The following INPP5B variants were observed in gnomAD, a reference collection of about 807,000 sequenced individuals.
INPP5B encodes the protein inositol polyphosphate-5-phosphatase B.
INPP5B carries 90 observed loss-of-function variants against 118.5 expected under a neutral mutation model. The observed-to-expected ratio is 0.76, with a 90% CI of 0.64 to 0.90. The LOEUF (loss-of-function observed/expected upper bound fraction) is 0.90. INPP5B is among the 40% of genes least tolerant of loss of function. INPP5B has a pLI of 0.00. For missense variants in INPP5B, 984 were observed against 1,125.6 expected, an observed-to-expected ratio of 0.87 and a Z score of 1.80; for synonymous variants, 385 against 418.9, an observed-to-expected ratio of 0.92 and a Z score of 0.99.
chr1:37,883,710 C>G, intron 13 of INPP5B: 4 of 985,392 alleles, frequency 4.1e-6, no homozygotes, highest in African/African-American at 1.7e-5. Flanking sequence ...AGCTCGGCTG[C>G]AAGACACTCC....
intron 22 of INPP5B, among the ~76,000 whole-genome samples, chr1:37,865,182 C>CAA (rs369656473): frequency 7.2e-6 from 1 of 139,060 alleles, no homozygotes; most frequent in African/African-American, 2.6e-5. Flanking sequence ...GACTCCATCT[C>CAA]AAAAAAAAAA....
chr1:37,933,541 C>G (rs925823089), intron 6 of INPP5B, among the ~76,000 whole-genome samples: 1 of 151,268 alleles, frequency 6.6e-6, no homozygotes, highest in Non-Finnish European at 1.5e-5. Flanking sequence ...GAGTGAGACT[C>G]TGTCTCAAGA....
intron 6 of INPP5B, among the ~76,000 whole-genome samples, chr1:37,935,789 GGGCGCGGT>G (rs1291799217): frequency 5.4e-4 from 82 of 152,032 alleles, no homozygotes; most frequent in African/African-American, 1.9e-3. Context: ...AATGGCGGCC[GGGCGCGGT>G]GGCTCACGCC....
chr1:37,868,488 A>T lies in INPP5B; in HGVS notation c.2301+13T>A. On this transcript the variant is annotated intron_variant, in intron 20 of 23. Coordinates refer to ENST00000373024, the MANE Select transcript of INPP5B (RefSeq NM_005540.3). ...TGGCCTCAATCAGGTCTGAATGCTTAAACACAACCTACCTGCTGGACAGCA... is the reference window on the plus strand; with the variant it reads ...TGGCCTCAATCAGGTCTGAATGCTTTAACACAACCTACCTGCTGGACAGCA... The T allele has an allele frequency of 6.3e-7, 1 of 1,593,918 alleles. No homozygotes were observed. Among genetic ancestry groups the T allele is most frequent in the Non-Finnish European group, 8.6e-7 (1 of 1,161,756 alleles).
chr1:37,873,973 G>T lies in INPP5B; in HGVS notation c.1951+20C>A. The T allele has an allele frequency of 6.6e-7, 1 of 1,519,424 alleles. No individual in the cohort carries two copies. The highest frequency in any genetic ancestry group is 1.4e-5 in the African/African-American group (1 of 72,636). 94.1% of individuals were successfully genotyped at this position (1,519,424 alleles called of 1,614,324 possible). A position where few individuals can be genotyped will look rare whatever the true frequency, so the allele number is the denominator to read the frequency against. ...CATTCCCCAAACCAGATACCAGGAA[G>T]CTAGGAACAGAGGCCTTACCTGGCA... On this transcript the variant is annotated intron_variant, in intron 18 of 23. Transcript: ENST00000373024.
intron 7 of INPP5B, among the ~76,000 whole-genome samples, chr1:37,926,297 TTC>T (rs1645225735): frequency 1.0e-5 from 1 of 95,622 alleles, no homozygotes; most frequent in South Asian, 3.3e-4. Flanking sequence ...GCTGGTTCAT[TTC>T]TTTTTTTTTT....
chr1:37,920,277 A>G (rs1407872621), intron 7 of INPP5B, among the ~76,000 whole-genome samples: 1 of 152,238 alleles, frequency 6.6e-6, no homozygotes, highest in African/African-American at 2.4e-5. Flanking sequence ...GCAAAAGCAC[A>G]AAGATAGGGC....
intron 3 of INPP5B, among the ~76,000 whole-genome samples, chr1:37,945,250 G>A (rs1213279181): frequency 6.6e-6 from 1 of 152,184 alleles, no homozygotes; most frequent in African/African-American, 2.4e-5. Flanking sequence ...GGCCAACGTG[G>A]TGAAACCCTG....
intron 16 of INPP5B, among the ~76,000 whole-genome samples, chr1:37,877,652 T>C (rs1024418473): frequency 4.3e-4 from 65 of 152,348 alleles, no homozygotes; most frequent in African/African-American, 1.5e-3. Context: ...CAAACATACA[T>C]GTGAAGGGTG....
intron 7 of INPP5B, among the ~76,000 whole-genome samples, chr1:37,921,498 C>T (rs1421754938): frequency 6.6e-6 from 1 of 152,134 alleles, no homozygotes; most frequent in East Asian, 1.9e-4. Context: ...ATTTCTTTTA[C>T]ATTTCTCAAA....
At position 37,946,258 on chromosome 1, in the gene INPP5B, G is replaced by A. The variant is rs755842605; in HGVS notation, c.51C>T (p.Cys17=). The change falls in exon 2 of 24, where the codon TGC becomes TGT. Residue 17 remains cysteine, a synonymous_variant. Coordinates refer to ENST00000373024, the MANE Select transcript of INPP5B (RefSeq NM_005540.3). ...IQETLAEGEY[C]VIAVQGVLCE... The stretch of plus-strand genomic sequence containing the variant: ...GTTAGCACAGGAAGGATATGATGAC[G>A]CAGTATTCCCCCTCAGCCAGCGTCT... The A allele has an allele frequency of 5.6e-6, 9 of 1,610,562 alleles. No individual in the cohort carries two copies. The highest frequency in any genetic ancestry group is 2.2e-5 in the East Asian group (1 of 44,840).
At chr1:37,906,929 T>C (rs147775710) in intron 7 of INPP5B, among the ~76,000 whole-genome samples, 1 of 152,194 alleles carries the variant, frequency 6.6e-6, no homozygotes, top group East Asian at 1.9e-4. Context: ...TCAGTTGTGT[T>C]TACGTTTTTT....
At chr1:37,868,212 C>T (rs1422356450) in intron 20 of INPP5B, among the ~76,000 whole-genome samples, 1 of 151,090 alleles carries the variant, frequency 6.6e-6, no homozygotes, top group Non-Finnish European at 1.5e-5. Context: ...ACCTGGGAGA[C>T]TGAGGCGGGA....
intron 5 of INPP5B, among the ~76,000 whole-genome samples, chr1:37,942,526 T>C (rs964415935): frequency 6.9e-6 from 1 of 145,312 alleles, no homozygotes; most frequent in Non-Finnish European, 1.5e-5. Context: ...TTGCTTCTAT[T>C]ATTATTATTG....
chr1:37,885,199 G>C (rs1643450556), intron 13 of INPP5B: 1 of 153,156 alleles, frequency 6.5e-6, no homozygotes, highest in South Asian at 2.0e-4. Context: ...GGATCATGAG[G>C]TCAGGAGATT....
At chr1:37,865,737 A>G in intron 22 of INPP5B, 24 bp downstream of exon 22, 3 of 1,609,538 alleles carry the variant, frequency 1.9e-6, no homozygotes, top group Non-Finnish European at 2.5e-6. Context: ...GGCTAACCAC[A>G]TGCTGCTCAA....
chr1:37,891,176 G>A (rs540117954), intron 8 of INPP5B, among the ~76,000 whole-genome samples, 182 bp downstream of exon 8: 60 of 148,796 alleles, frequency 4.0e-4, no homozygotes, highest in African/African-American at 1.4e-3. Context: ...GCGGTGAGCC[G>A]AGATCATGCC....
intron 22 of INPP5B, 56 bp downstream of exon 22, chr1:37,865,705 C>G: frequency 6.3e-7 from 1 of 1,594,838 alleles, no homozygotes; most frequent in Non-Finnish European, 8.6e-7. Flanking sequence ...CCACTCTGTT[C>G]CCTTAGCCCC....
intron 21 of INPP5B, 74 bp downstream of exon 21, chr1:37,866,385 T>TCTC (rs1642033890): frequency 1.8e-6 from 1 of 564,328 alleles, no homozygotes; most frequent in Non-Finnish European, 3.2e-6. Context: ...CTCACTCATA[T>TCTC]TCTCTCTCTC....
Sources: gnomAD v4.1 joint callset for allele counts (sites outside exome capture counted in the v4.1 genomes callset) on GRCh38, gnomAD v4.1.1 for gene constraint, MANE v1.5 for transcripts, NCBI Gene and HGNC (gene_info 2026-07-23, HGNC 2026-07-21) for gene names.